The following CAMKMT variants were observed in gnomAD, a reference collection of about 807,000 sequenced individuals.
CAMKMT encodes the protein calmodulin-lysine N-methyltransferase.
Under a neutral mutation model 48.0 loss-of-function variants are expected in CAMKMT, and 53 were observed. That is an observed-to-expected ratio of 1.10 (90% confidence interval 0.89 to 1.39). The LOEUF (loss-of-function observed/expected upper bound fraction) is 1.39. CAMKMT is among the 40% of genes most tolerant of loss of function. The pLI is 0.00. For missense variants in CAMKMT, 428 were observed against 402.7 expected, an observed-to-expected ratio of 1.06 and a Z score of -0.54; for synonymous variants, 165 against 152.3, an observed-to-expected ratio of 1.08 and a Z score of -0.61.
intron 3 of CAMKMT, among the ~76,000 whole-genome samples, chr2:44,564,696 A>G (rs1009994404): frequency 1.3e-5 from 2 of 152,126 alleles, no homozygotes; most frequent in African/African-American, 4.8e-5. Context: ...ATGTGCCACC[A>G]TGCCCAGCTA....
rs1163287474 is a variant in CAMKMT, at chr2:44,385,236, T to C, written c.312-5005T>C. On this transcript the variant is annotated intron_variant, in intron 2 of 10. Transcript: ENST00000378494. ...TATTCCTAAGTATTCCTTTTTTTTTTGCAGCTGTTGCAAAAAGGGTTGAGT... is the reference window on the plus strand; with the variant it reads ...TATTCCTAAGTATTCCTTTTTTTTTCGCAGCTGTTGCAAAAAGGGTTGAGT... Among the ~76,000 whole-genome samples, 3 of 152,134 alleles carry C rather than the reference T, an allele frequency of 2.0e-5. No individual in the cohort carries two copies. In the East Asian group the frequency reaches 5.8e-4, roughly 29 times the overall value.
At chr2:44,557,153 T>C (rs1333976212) in intron 3 of CAMKMT, among the ~76,000 whole-genome samples, 1 of 152,226 alleles carries the variant, frequency 6.6e-6, no homozygotes, top group Admixed American at 6.5e-5. Flanking sequence ...GTATTATTTG[T>C]CAGAGAAATG....
intron 3 of CAMKMT, among the ~76,000 whole-genome samples, chr2:44,541,094 A>G (rs1667082317): frequency 1.3e-5 from 2 of 152,244 alleles, no homozygotes; most frequent in Middle Eastern, 3.4e-3. Context: ...CAGTATCACA[A>G]TGTTTTAGTT....
chr2:44,604,948 C>T (rs566811724), intron 3 of CAMKMT, among the ~76,000 whole-genome samples: 1 of 152,218 alleles, frequency 6.6e-6, no homozygotes. Context: ...CTGCCTATTT[C>T]AACGTGTTAT....
chr2:44,772,195 T>C lies in CAMKMT; in HGVS notation c.*82T>C. The C allele has an allele frequency of 8.6e-7, 1 of 1,169,452 alleles. No homozygotes were observed. The highest frequency in any genetic ancestry group is 1.3e-6 in the Non-Finnish European group (1 of 788,748). 72.4% of individuals were successfully genotyped at this position (1,169,452 alleles called of 1,614,324 possible). On this transcript the variant is annotated 3_prime_UTR_variant, in exon 11 of 11. Coordinates refer to ENST00000378494, the MANE Select transcript of CAMKMT (RefSeq NM_024766.5). ...CAAAAACGGAAATCTGTAAGGGGTA[T>C]AATCGCCTGCCTGCGCCCTTTGCAG...
In CAMKMT at chr2:44,707,388, T is replaced by A. The variant is rs745646203; in HGVS notation, c.493-11T>A. On this transcript the variant is annotated splice_polypyrimidine_tract_variant and intron_variant, in intron 5 of 10. Coordinates refer to ENST00000378494, the MANE Select transcript of CAMKMT (RefSeq NM_024766.5). ...TGCTCATTGTTTGCTGTGCTCCCTT[T>A]TTTTTTTCAGGTTGCTATTTCTGCA... is the stretch of plus-strand genomic sequence containing the variant. The A allele has an allele frequency of 5.0e-6, 8 of 1,611,548 alleles. No homozygotes were observed. Among genetic ancestry groups the A allele is most frequent in the Non-Finnish European group, 5.9e-6 (7 of 1,178,664 alleles).
intron 3 of CAMKMT, among the ~76,000 whole-genome samples, chr2:44,648,392 A>G (rs1284471208): frequency 6.6e-5 from 10 of 152,148 alleles, no homozygotes; most frequent in African/African-American, 2.4e-4. Flanking sequence ...TAAATTTTCA[A>G]AAAAAGTACA....
At chr2:44,593,627 T>A (rs538615026) in intron 3 of CAMKMT, among the ~76,000 whole-genome samples, 1 of 152,302 alleles carries the variant, frequency 6.6e-6, no homozygotes. Flanking sequence ...TCCTGCCCAC[T>A]GTCTTGAATA....
intron 3 of CAMKMT, among the ~76,000 whole-genome samples, chr2:44,691,703 T>C (rs1017770814): frequency 6.6e-6 from 1 of 152,114 alleles, no homozygotes; most frequent in Non-Finnish European, 1.5e-5. Context: ...GAATAACAGG[T>C]CTATAATCAG....
chr2:44,431,345 A>C (rs1258035252), intron 3 of CAMKMT, among the ~76,000 whole-genome samples: 1 of 152,178 alleles, frequency 6.6e-6, no homozygotes, highest in Non-Finnish European at 1.5e-5. Flanking sequence ...AGCACTTCCC[A>C]ATTCAATTTT....
At chr2:44,547,070 T>TGG (rs1667449655) in intron 3 of CAMKMT, among the ~76,000 whole-genome samples, 1 of 151,960 alleles carries the variant, frequency 6.6e-6, no homozygotes, top group Non-Finnish European at 1.5e-5. Flanking sequence ...GTCCTGAGGG[T>TGG]GGGGAAGAAC....
intron 10 of CAMKMT, among the ~76,000 whole-genome samples, chr2:44,769,604 T>C (rs992740555): frequency 6.6e-6 from 1 of 152,204 alleles, no homozygotes; most frequent in Non-Finnish European, 1.5e-5. Context: ...AAAAATACTC[T>C]CATTCATGCA....
intron 3 of CAMKMT, among the ~76,000 whole-genome samples, chr2:44,574,433 T>C (rs917998534): frequency 3.3e-5 from 5 of 152,120 alleles, no homozygotes; most frequent in Admixed American, 6.5e-5. Context: ...ATTGGCTTGG[T>C]GTGTGAGAGT....
At chr2:44,556,848 C>T (rs962046083) in intron 3 of CAMKMT, among the ~76,000 whole-genome samples, 1 of 151,652 alleles carries the variant, frequency 6.6e-6, no homozygotes, top group African/African-American at 2.4e-5. Flanking sequence ...GAGGCCGAAG[C>T]AGGAGGATCC....
intron 2 of CAMKMT, among the ~76,000 whole-genome samples, chr2:44,380,065 G>C (rs1680086575): frequency 6.6e-6 from 1 of 152,050 alleles, no homozygotes; most frequent in Admixed American, 6.6e-5. Flanking sequence ...TTCACCTCTA[G>C]TTTCAACCTC....
intron 3 of CAMKMT, among the ~76,000 whole-genome samples, chr2:44,679,818 G>A (rs1300321463): frequency 6.6e-6 from 1 of 152,230 alleles, no homozygotes; most frequent in Non-Finnish European, 1.5e-5. Flanking sequence ...CTGTGAATAA[G>A]CATCAGGCTG....
At chr2:44,768,444 C>A (rs1269462080) in intron 10 of CAMKMT, among the ~76,000 whole-genome samples, 5 of 151,270 alleles carry the variant, frequency 3.3e-5, no homozygotes, top group African/African-American at 7.3e-5. Context: ...CTGGTCCCTC[C>A]TGTACCTGCC....
intron 3 of CAMKMT, among the ~76,000 whole-genome samples, chr2:44,690,852 T>C (rs1676614355): frequency 6.6e-6 from 1 of 152,028 alleles, no homozygotes; most frequent in Non-Finnish European, 1.5e-5. Flanking sequence ...GGTGTGTGCC[T>C]GTAATCCCAG....
At chr2:44,363,476 C>G (rs972517723) in intron 1 of CAMKMT, among the ~76,000 whole-genome samples, 1 of 151,542 alleles carries the variant, frequency 6.6e-6, no homozygotes, top group South Asian at 2.1e-4. Flanking sequence ...CTCTAGGGTT[C>G]AAATGATTCT....
Sources: gnomAD v4.1 joint callset for allele counts (sites outside exome capture counted in the v4.1 genomes callset) on GRCh38, gnomAD v4.1.1 for gene constraint, MANE v1.5 for transcripts, NCBI Gene and HGNC (gene_info 2026-07-23, HGNC 2026-07-21) for gene names.